Variants in GNAO1 observed in about 807,000 individuals in gnomAD.
The protein encoded by GNAO1 is G protein subunit alpha o1, also known as guanine nucleotide-binding protein G(o) subunit alpha.
For synonymous variants in GNAO1, 164 were observed against 180.7 expected (o/e 0.91, Z 0.74); for missense variants, 166 against 478.7 (o/e 0.35, Z 6.10).
At chr16:56,219,044 C>G (rs1243458117) in intron 2 of GNAO1, among the ~76,000 whole-genome samples, 1 of 152,178 alleles carries the variant, frequency 6.6e-6, no homozygotes, top group Non-Finnish European at 1.5e-5. Context: ...ACACCCACCC[C>G]CCAACCCAGC....
intron 3 of GNAO1, among the ~76,000 whole-genome samples, chr16:56,299,993 A>C (rs1165102971): frequency 7.9e-6 from 1 of 126,320 alleles, no homozygotes; most frequent in Non-Finnish European, 1.7e-5. Flanking sequence ...CAGAAATGGA[A>C]GGCAGATTGG....
At chr16:56,347,989 C>G (rs890932106) in intron 6 of GNAO1, 1 of 978,100 alleles carries the variant, frequency 1.0e-6, no homozygotes, top group African/African-American at 1.8e-5. Context: ...TGGGCTCGGG[C>G]GTCCCAGGCC....
intron 3 of GNAO1, among the ~76,000 whole-genome samples, chr16:56,299,037 C>T (rs781385342): frequency 1.3e-5 from 2 of 152,168 alleles, no homozygotes; most frequent in Non-Finnish European, 2.9e-5. Context: ...AGGCTTGCCT[C>T]ATCCATATGA....
chr16:56,350,833 G>C (rs945948626), intron 6 of GNAO1, among the ~76,000 whole-genome samples: 1 of 152,128 alleles, frequency 6.6e-6, no homozygotes, highest in East Asian at 1.9e-4. Flanking sequence ...CAGGAGGAGA[G>C]GTCTAGGCAG....
At chr16:56,287,392 T>G (rs1183406222) in intron 3 of GNAO1, among the ~76,000 whole-genome samples, 2 of 152,210 alleles carry the variant, frequency 1.3e-5, no homozygotes, top group Non-Finnish European at 2.9e-5. Context: ...GGCAGTGGAC[T>G]TAGCACTAGT....
intron 3 of GNAO1, among the ~76,000 whole-genome samples, chr16:56,283,518 G>A (rs1354374633): frequency 2.0e-5 from 3 of 152,194 alleles, no homozygotes; most frequent in African/African-American, 7.2e-5. Flanking sequence ...ATGGAGCTCA[G>A]GACACTATGT....
At chr16:56,253,269 C>T (rs2036816472) in intron 2 of GNAO1, among the ~76,000 whole-genome samples, 1 of 152,210 alleles carries the variant, frequency 6.6e-6, no homozygotes, top group Non-Finnish European at 1.5e-5. Context: ...GACTGATCGA[C>T]TCCTCCTGCC....
In GNAO1 at chr16:56,316,766, C is replaced by A. The variant is rs149887785; in HGVS notation, c.304-11865C>A. Among the ~76,000 whole-genome samples the A allele has an allele frequency of 8.0e-3, 1,225 of 152,334 alleles. 21 individuals are homozygous for A. The highest frequency in any genetic ancestry group is 0.027 in the African/African-American group (1,125 of 41,568). On this transcript the variant is annotated intron_variant, in intron 3 of 8. Coordinates refer to ENST00000262493, the MANE Select transcript of GNAO1 (RefSeq NM_020988.3). The stretch of plus-strand genomic sequence containing the variant: ...CGGGCAGGGCAGGGTCCAGTTCCTG[C>A]TGGCAGTTCTGTCCCCAGCACTCAG...
chr16:56,266,335 G>A (rs1461288606), intron 2 of GNAO1, among the ~76,000 whole-genome samples: 1 of 152,184 alleles, frequency 6.6e-6, no homozygotes, highest in African/African-American at 2.4e-5. Flanking sequence ...AGTCAAGGAA[G>A]CAGCCTTTAT....
chr16:56,229,814 CAGGT>C (rs2036571527), intron 2 of GNAO1, among the ~76,000 whole-genome samples: 2 of 151,960 alleles, frequency 1.3e-5, no homozygotes, highest in Non-Finnish European at 2.9e-5. Context: ...AAACAGAATG[CAGGT>C]ACCCAGTGAG....
intron 2 of GNAO1, among the ~76,000 whole-genome samples, chr16:56,241,416 T>C (rs1422601053): frequency 2.0e-5 from 3 of 152,178 alleles, no homozygotes; most frequent in African/African-American, 7.2e-5. Flanking sequence ...TCTCTTCCAG[T>C]GCTTCCCATC....
At chr16:56,214,954 C>T (rs1474517286) in intron 2 of GNAO1, among the ~76,000 whole-genome samples, 1 of 152,258 alleles carries the variant, frequency 6.6e-6, no homozygotes, top group Non-Finnish European at 1.5e-5. Context: ...CATGCTAAGT[C>T]ACCCTCTGCA....
At chr16:56,254,313 C>A (rs1447043258) in intron 2 of GNAO1, among the ~76,000 whole-genome samples, 2 of 151,804 alleles carry the variant, frequency 1.3e-5, no homozygotes, top group South Asian at 2.1e-4. Context: ...TTATTTATTC[C>A]ATTTCTAATA....
chr16:56,222,416 G>T (rs975170986), intron 2 of GNAO1, among the ~76,000 whole-genome samples: 1 of 152,138 alleles, frequency 6.6e-6, no homozygotes, highest in Non-Finnish European at 1.5e-5. Context: ...CCATCTAAAG[G>T]TGTCCTTATA....
At chr16:56,345,553 G>A in intron 6 of GNAO1, 2 of 985,248 alleles carry the variant, frequency 2.0e-6, no homozygotes, top group African/African-American at 1.7e-5. Context: ...AATGCCTGCA[G>A]GGACCGGTGC....
chr16:56,269,247 C>T lies in GNAO1; in HGVS notation c.162-6684C>T, dbSNP rs144254911. ...TTTGGTCCGGAGAAACCCCCTCTGC[C>T]GCTCTTCTTTTCTCCACTGTGGCTT... On this transcript the variant is annotated intron_variant, in intron 2 of 8. Transcript: ENST00000262493. Among the ~76,000 whole-genome samples the T allele has an allele frequency of 1.4e-3, 215 of 152,262 alleles. 2 individuals are homozygous for T. The East Asian group carries it at 0.021, about 15-fold the overall frequency.
chr16:56,286,780 CT>C (rs2037176058), intron 3 of GNAO1, among the ~76,000 whole-genome samples: 1 of 151,592 alleles, frequency 6.6e-6, no homozygotes, highest in Non-Finnish European at 1.5e-5. Context: ...ATTGCCCCTC[CT>C]TGACCCAATC....
intron 2 of GNAO1, among the ~76,000 whole-genome samples, chr16:56,264,672 G>A (rs1362392182): frequency 6.6e-6 from 1 of 151,558 alleles, no homozygotes; most frequent in Admixed American, 6.6e-5. Context: ...GAACTCTTTA[G>A]AATACCCTTT....
intron 3 of GNAO1, among the ~76,000 whole-genome samples, chr16:56,284,475 G>A (rs2037145732): frequency 6.6e-6 from 1 of 152,326 alleles, no homozygotes; most frequent in South Asian, 2.1e-4. Flanking sequence ...CATCTAAAAG[G>A]AAGAACCAAC....
Sources: gnomAD v4.1 joint callset for allele counts (sites outside exome capture counted in the v4.1 genomes callset) on GRCh38, gnomAD v4.1.1 for gene constraint, MANE v1.5 for transcripts, NCBI Gene and HGNC (gene_info 2026-07-23, HGNC 2026-07-21) for gene names.